The following MALRD1 variants were observed in gnomAD, a reference collection of about 807,000 sequenced individuals.
MALRD1 encodes MAM and LDL-receptor class A domain-containing protein 1.
Under a neutral mutation model 242.1 loss-of-function variants are expected in MALRD1, and 247 were observed. That is an observed-to-expected ratio of 1.02 (90% CI 0.92 to 1.13). The LOEUF is 1.13. MALRD1 is among the 50% of genes most tolerant of loss of function. The pLI, the probability that MALRD1 is intolerant of heterozygous loss-of-function variation, is 0.00. For missense variants in MALRD1, 2,989 were observed against 2,533.1 expected (o/e 1.18, Z -3.86); for synonymous variants, 995 against 866.6 (o/e 1.15, Z -2.60).
At chr10:19,614,808 G>T (rs1001877800) in intron 35 of MALRD1, among the ~76,000 whole-genome samples, 1 of 152,046 alleles carries the variant, frequency 6.6e-6, no homozygotes, top group African/African-American at 2.4e-5. Context: ...TACTGACATT[G>T]ATCGTGGATG....
At chr10:19,195,481 C>T (rs1836195221) in intron 14 of MALRD1, among the ~76,000 whole-genome samples, 1 of 152,066 alleles carries the variant, frequency 6.6e-6, no homozygotes, top group Non-Finnish European at 1.5e-5. Context: ...TAGTTTAAAC[C>T]TCTTCCTTGA....
intron 32 of MALRD1, among the ~76,000 whole-genome samples, chr10:19,565,087 A>G (rs1254843290): frequency 1.2e-4 from 18 of 152,176 alleles, no homozygotes; most frequent in Admixed American, 1.2e-3. Flanking sequence ...CAGAAATTTC[A>G]TTGAAATAAA....
chr10:19,657,048 C>A (rs185267676), intron 36 of MALRD1, among the ~76,000 whole-genome samples: 1 of 152,126 alleles, frequency 6.6e-6, no homozygotes, highest in Admixed American at 6.5e-5. Flanking sequence ...GGTTTTGTAT[C>A]CTTCCCTCCA....
In MALRD1 at chr10:19,376,542, CTTTTTT is replaced by C. The variant is rs57836152; in HGVS notation, c.4442-10963_4442-10958del. Among the ~76,000 whole-genome samples, 468 of 94,958 alleles carry C rather than the reference CTTTTTT, an allele frequency of 4.9e-3. 7 individuals are homozygous for C. The highest frequency in any genetic ancestry group is 0.017 in the African/African-American group (439 of 25,244). 62.3% of individuals were successfully genotyped at this position (94,958 alleles called of 152,430 possible). On this transcript the variant is annotated intron_variant, in intron 26 of 39. Transcript: ENST00000454679. Reference sequence around the variant, plus strand: ...TTGAAAGTCAAGGAGTTGATACATTCTTTTTTTTTTTTTTTTTTTTTTTTTTTTGTA... The same window carrying C: ...TTGAAAGTCAAGGAGTTGATACATTCTTTTTTTTTTTTTTTTTTTTTTGTA...
intron 17 of MALRD1, among the ~76,000 whole-genome samples, chr10:19,207,777 C>T (rs1836851393): frequency 6.6e-6 from 1 of 152,162 alleles, no homozygotes; most frequent in African/African-American, 2.4e-5. Context: ...GCTAGGATTA[C>T]AGGAGTGAGC....
At chr10:19,413,249 G>A (rs1389788019) in intron 28 of MALRD1, among the ~76,000 whole-genome samples, 1 of 152,004 alleles carries the variant, frequency 6.6e-6, no homozygotes, top group Non-Finnish European at 1.5e-5. Flanking sequence ...TGAGATTGAG[G>A]CACTATTAAT....
At chr10:19,178,050 G>A (rs1835335988) in intron 14 of MALRD1, among the ~76,000 whole-genome samples, 2 of 152,216 alleles carry the variant, frequency 1.3e-5, no homozygotes, top group Admixed American at 6.5e-5. Flanking sequence ...AGCTCTTACC[G>A]AGGCAAAAGT....
intron 1 of MALRD1, among the ~76,000 whole-genome samples, chr10:19,064,087 G>T (rs1425979120): frequency 6.6e-6 from 1 of 152,024 alleles, no homozygotes; most frequent in Non-Finnish European, 1.5e-5. Context: ...AGATAATTGC[G>T]GCTTCCAAGC....
chr10:19,431,452 A>T (rs890439720), intron 28 of MALRD1, among the ~76,000 whole-genome samples: 1 of 152,206 alleles, frequency 6.6e-6, no homozygotes. Flanking sequence ...GCAGAAAATT[A>T]TCCGATTCCC....
At chr10:19,616,511 G>T (rs2131612372) in intron 36 of MALRD1, among the ~76,000 whole-genome samples, 1 of 152,050 alleles carries the variant, frequency 6.6e-6, no homozygotes, top group Admixed American at 6.6e-5. Context: ...ACCCTTTGGG[G>T]AATTGTGCAA....
intron 14 of MALRD1, among the ~76,000 whole-genome samples, chr10:19,178,733 G>A (rs773308421): frequency 3.9e-4 from 59 of 152,186 alleles, no homozygotes; most frequent in Non-Finnish European, 7.5e-4. Context: ...CAATTTTGAA[G>A]CCAGATTTGT....
chr10:19,679,961 G>T (rs551273301), intron 36 of MALRD1, among the ~76,000 whole-genome samples: 30 of 152,268 alleles, frequency 2.0e-4, no homozygotes, highest in Admixed American at 1.1e-3. Context: ...GTGTGGTTTT[G>T]AGTAAGTTTC....
intron 36 of MALRD1, among the ~76,000 whole-genome samples, chr10:19,664,873 A>G (rs932339076): frequency 1.3e-5 from 2 of 151,876 alleles, no homozygotes; most frequent in African/African-American, 4.8e-5. Context: ...ATTTTTTTGC[A>G]TTTCATTAGA....
chr10:19,155,437 GT>G (rs1834108687), intron 12 of MALRD1, among the ~76,000 whole-genome samples: 1 of 152,180 alleles, frequency 6.6e-6, no homozygotes, highest in Non-Finnish European at 1.5e-5. Flanking sequence ...ATCTAAAGCT[GT>G]GGATACGTGT....
At chr10:19,610,177 T>A (rs1838830322) in intron 35 of MALRD1, among the ~76,000 whole-genome samples, 1 of 151,912 alleles carries the variant, frequency 6.6e-6, no homozygotes, top group African/African-American at 2.4e-5. Flanking sequence ...CAAATCAGGG[T>A]AGTTAGCTTA....
At chr10:19,128,782 A>G (rs1388175942) in intron 8 of MALRD1, among the ~76,000 whole-genome samples, 1 of 152,150 alleles carries the variant, frequency 6.6e-6, no homozygotes, top group Non-Finnish European at 1.5e-5. Flanking sequence ...TTTGGGTAGC[A>G]GTAGACATAA....
intron 38 of MALRD1, among the ~76,000 whole-genome samples, chr10:19,702,583 T>G (rs964629082): frequency 6.6e-6 from 1 of 152,222 alleles, no homozygotes; most frequent in Non-Finnish European, 1.5e-5. Flanking sequence ...AGAATTTATT[T>G]AAGATTATCT....
At chr10:19,625,524 A>G (rs1839614950) in intron 36 of MALRD1, among the ~76,000 whole-genome samples, 1 of 152,062 alleles carries the variant, frequency 6.6e-6, no homozygotes. Context: ...GTGTACGAAA[A>G]AGGAAAGAGA....
chr10:19,245,530 A>G (rs1277729492), intron 18 of MALRD1, among the ~76,000 whole-genome samples: 1 of 152,220 alleles, frequency 6.6e-6, no homozygotes. Context: ...CAAGTAATTT[A>G]TATTCCTAGG....
Sources: allele counts gnomAD v4.1 joint callset (sites outside exome capture counted in the v4.1 genomes callset), GRCh38; gene constraint gnomAD v4.1.1; transcripts MANE v1.5; gene names NCBI Gene and HGNC (gene_info 2026-07-23, HGNC 2026-07-21).